The following GSR variants were observed in gnomAD, a reference collection of about 807,000 sequenced individuals.
GSR encodes the protein glutathione-disulfide reductase, also known as glutathione reductase, mitochondrial.
Under a neutral mutation model 56.5 loss-of-function variants are expected in GSR, and 48 were observed. The ratio of observed to expected loss-of-function variants is 0.85; its 90% CI spans 0.67 to 1.08. The LOEUF (loss-of-function observed/expected upper bound fraction) is 1.08. Among genes scored for constraint, GSR ranks in the 50% least tolerant of loss-of-function variants. GSR has a pLI of 0.00. For synonymous variants in GSR, 264 were observed against 270.8 expected (o/e 0.97, Z 0.25); for missense variants, 694 against 703.3 (o/e 0.99, Z 0.15).
At position 30,693,692 on chromosome 8, in the gene GSR, C is replaced by T. The variant is rs531566472; in HGVS notation, c.796-637G>A. 2.0e-5 allele frequency among the ~76,000 whole-genome samples: 3 copies of T among 152,266 alleles called. No individual in the cohort carries two copies. The South Asian group carries it at 6.2e-4, about 32-fold the overall frequency. ...TACAGGCGCCCACCACCATGCCTGG[C>T]TAACTTTTCTATTTTTAGTAGAGAC... On this transcript the variant is annotated intron_variant, in intron 7 of 12. Transcript: ENST00000221130.
rs1563535549 is a variant in GSR, at chr8:30,700,722, C to CAAAAAA, written c.641-588_641-587insTTTTTT. 8.9e-3 allele frequency among the ~76,000 whole-genome samples: 75 copies of CAAAAAA among 8,428 alleles called. 7 individuals are homozygous for CAAAAAA. The highest frequency in any genetic ancestry group is 0.012 in the African/African-American group (71 of 5,806). 5.5% of individuals were successfully genotyped at this position (8,428 alleles called of 152,430 possible). On this transcript the variant is annotated intron_variant, in intron 5 of 12. Coordinates refer to ENST00000221130, the MANE Select transcript of GSR (RefSeq NM_000637.5). ...CTGGGAACAGAGCAAGATTTTGTCT[C>CAAAAAA]CAAAAAAAAAAAAAAAAAAAAAAAA...
chr8:30,720,830 A>G (rs1178443446), intron 1 of GSR, among the ~76,000 whole-genome samples: 1 of 131,326 alleles, frequency 7.6e-6, no homozygotes, highest in African/African-American at 2.5e-5. Flanking sequence ...ATTTTTAAAA[A>G]GTGTGACTGG....
At chr8:30,710,772 T>TAA (rs1804114431) in intron 2 of GSR, among the ~76,000 whole-genome samples, 1 of 93,066 alleles carries the variant, frequency 1.1e-5, no homozygotes, top group African/African-American at 3.9e-5. Context: ...AAAAAAAATA[T>TAA]ATAAATGAAC....
In GSR at chr8:30,681,054, A is replaced by C; in HGVS notation, c.1286-17T>G. The stretch of plus-strand genomic sequence containing the variant: ...TGGCTTCATCTACAATGCACATTAA[A>C]AAAAGCATCTATCAGAAAACTAAAC... On this transcript the variant is annotated splice_polypyrimidine_tract_variant and intron_variant, in intron 11 of 12. Transcript: ENST00000221130. The C allele has an allele frequency of 6.3e-7, 1 of 1,598,204 alleles. No individual in the cohort carries two copies.
intron 6 of GSR, among the ~76,000 whole-genome samples, chr8:30,696,854 C>T (rs966572672): frequency 1.3e-5 from 2 of 152,078 alleles, no homozygotes; most frequent in African/African-American, 2.4e-5. Context: ...CATCGCCACA[C>T]CCAGCTAAGT....
At position 30,710,714 on chromosome 8, in the gene GSR, C is replaced by CAAAAAAAAAAAAA. The variant is rs60532553; in HGVS notation, c.334-825_334-813dup. On this transcript the variant is annotated intron_variant, in intron 2 of 12. Coordinates refer to ENST00000221130, the MANE Select transcript of GSR (RefSeq NM_000637.5). ...CCTGGGCAAGAGTGAGACTCTGTCT[C>CAAAAAAAAAAAAA]AAAAAAAAAAAAAAAAAAAAAAAAA... is the stretch of plus-strand genomic sequence containing the variant. 6.7e-4 allele frequency among the ~76,000 whole-genome samples: 34 copies of CAAAAAAAAAAAAA among 51,002 alleles called. 5 individuals are homozygous for CAAAAAAAAAAAAA. Among genetic ancestry groups the CAAAAAAAAAAAAA allele is most frequent in the African/African-American group, 2.2e-3 (34 of 15,178 alleles). 33.5% of individuals were successfully genotyped at this position (51,002 alleles called of 152,430 possible). A position where few individuals can be genotyped will look rare whatever the true frequency, so the allele number is the denominator to read the frequency against.
At chr8:30,694,303 ATTATG>A (rs1309680595) in intron 7 of GSR, among the ~76,000 whole-genome samples, 1 of 152,162 alleles carries the variant, frequency 6.6e-6, no homozygotes, top group Non-Finnish European at 1.5e-5. Context: ...CCCCAAAGGC[ATTATG>A]TGGCTTGCCT....
Position 30,703,093 on chromosome 8 carries a change from C to CG in GSR, c.639dup (p.Gly214ArgfsTer43). The CG allele has an allele frequency of 6.2e-7, 1 of 1,613,848 alleles. No homozygotes were observed. The highest frequency in any genetic ancestry group is 8.5e-7 in the Non-Finnish European group (1 of 1,179,852). ...AATGAGTACCTGTTGTATGACTCAC[C>CG]GGGGATCTGGCTCTCATGAGGGGTG... On this transcript the variant is annotated frameshift_variant and splice_region_variant, in exon 5 of 13. Transcript: ENST00000221130. LOFTEE classifies it high-confidence loss of function.
intron 4 of GSR, among the ~76,000 whole-genome samples, chr8:30,703,441 G>C (rs966031182): frequency 6.6e-6 from 1 of 152,010 alleles, no homozygotes; most frequent in Non-Finnish European, 1.5e-5. Flanking sequence ...TTAGTTGCCG[G>C]AAGTATACAG....
chr8:30,720,795 C>A (rs918208279), intron 1 of GSR, among the ~76,000 whole-genome samples: 1 of 152,180 alleles, frequency 6.6e-6, no homozygotes, highest in South Asian at 2.1e-4. Flanking sequence ...TTAACCTGAA[C>A]CTTCCAGTCT....
intron 2 of GSR, among the ~76,000 whole-genome samples, chr8:30,710,714 CAAAAAAAAAA>C (rs60532553): frequency 5.7e-4 from 29 of 51,016 alleles, no homozygotes; most frequent in South Asian, 4.8e-3. Context: ...GACTCTGTCT[CAAAAAAAAAA>C]AAAAAAAAAA....
intron 1 of GSR, among the ~76,000 whole-genome samples, chr8:30,721,989 C>T (rs1804555228): frequency 6.6e-6 from 1 of 150,796 alleles, no homozygotes; most frequent in African/African-American, 2.4e-5. Flanking sequence ...ACATTCCAGC[C>T]TGGGTGACAG....
chr8:30,700,672 C>T (rs949264590), intron 5 of GSR, among the ~76,000 whole-genome samples: 7 of 137,140 alleles, frequency 5.1e-5, no homozygotes, highest in African/African-American at 1.4e-4. Context: ...TGCAGTGAGC[C>T]GAGATCGTGC....
chr8:30,707,339 CCATCTAGGTCAGAGG>C (rs1451765868), intron 4 of GSR, among the ~76,000 whole-genome samples: 1 of 152,102 alleles, frequency 6.6e-6, no homozygotes, highest in East Asian at 1.9e-4. Context: ...AAGAGACTGG[CCATCTAGGTCAGAGG>C]CTTCTGCTCT....
chr8:30,711,047 T>C (rs1345434339), intron 2 of GSR, among the ~76,000 whole-genome samples: 1 of 151,778 alleles, frequency 6.6e-6, no homozygotes, highest in African/African-American at 2.4e-5. Context: ...GGAAAGGAAA[T>C]AGTTGAGGGA....
At chr8:30,686,713 A>G (rs1803175044) in intron 9 of GSR, among the ~76,000 whole-genome samples, 2 of 152,140 alleles carry the variant, frequency 1.3e-5, no homozygotes, top group Non-Finnish European at 1.5e-5. Context: ...AAAAAAAGTT[A>G]GCAAATTTAG....
In GSR at chr8:30,679,503, C is replaced by T; in HGVS notation, c.*17G>A. ...GATCTATGGGTCCCACTGCCCGCCA[C>T]ACGTGTCTCCTGGTTCTCAACGAAG... On this transcript the variant is annotated 3_prime_UTR_variant, in exon 13 of 13. Coordinates refer to ENST00000221130, the MANE Select transcript of GSR (RefSeq NM_000637.5). 1 of 1,612,866 alleles carries T rather than the reference C, an allele frequency of 6.2e-7. No homozygotes were observed. Among genetic ancestry groups the T allele is most frequent in the Non-Finnish European group, 8.5e-7 (1 of 1,178,888 alleles).
chr8:30,714,815 G>A (rs1804272683), intron 1 of GSR, among the ~76,000 whole-genome samples: 1 of 152,168 alleles, frequency 6.6e-6, no homozygotes, highest in Admixed American at 6.6e-5. Context: ...TTATAGGCAT[G>A]AGCCACCACG....
intron 1 of GSR, 135 bp downstream of exon 1, chr8:30,727,395 T>C: frequency 1.2e-6 from 1 of 854,298 alleles, no homozygotes; most frequent in Non-Finnish European, 1.8e-6. Flanking sequence ...GGCTTCGGAA[T>C]GGGGAGTTGC....
Sources: gnomAD v4.1 joint callset for allele counts (sites outside exome capture counted in the v4.1 genomes callset) on GRCh38, gnomAD v4.1.1 for gene constraint, MANE v1.5 for transcripts, NCBI Gene and HGNC (gene_info 2026-07-23, HGNC 2026-07-21) for gene names.